CLDN10: variants seen among roughly 807,000 people sequenced by gnomAD.
The protein encoded by CLDN10 is claudin 10, also known as claudin-10.
Under a neutral mutation model 22.9 loss-of-function variants are expected in CLDN10, and 15 were observed. The ratio of observed to expected loss-of-function variants is 0.65; its 90% CI spans 0.44 to 1.01. The LOEUF (loss-of-function observed/expected upper bound fraction) is 1.01, where lower values mean the gene tolerates loss of function less well. Ranked by LOEUF, CLDN10 falls within the 50% of genes least tolerant of loss-of-function variation. CLDN10 has a pLI of 0.00. For synonymous variants in CLDN10, 114 were observed against 111.4 expected (o/e 1.02, Z -0.15); for missense variants, 247 against 287.8 (o/e 0.86, Z 1.03).
intron 1 of CLDN10, among the ~76,000 whole-genome samples, chr13:95,547,510 T>G (rs779371283): frequency 2.7e-4 from 41 of 152,180 alleles, no homozygotes; most frequent in African/African-American, 8.9e-4. Flanking sequence ...CTGAATAATA[T>G]TCATTATTTA....
rs9561881 is a variant in CLDN10, at chr13:95,499,194, G to A, written c.215-60938G>A. On this transcript the variant is annotated intron_variant, in intron 1 of 4. Transcript: ENST00000376873. ...AGTTGTGTTTAAAAGAGTTTTATAA[G>A]TCATGATTGGCAGCAATTATTAAGC... Among the ~76,000 whole-genome samples the A allele has an allele frequency of 2.5e-4, 38 of 152,276 alleles. 1 individual carries two copies. In the East Asian group the frequency reaches 7.1e-3, roughly 29 times the overall value.
chr13:95,528,466 C>T (rs9590296), intron 1 of CLDN10: 59,464 of 152,226 alleles, frequency 0.39, 11,849 homozygotes, highest in African/African-American at 0.45. Flanking sequence ...AGTGTGAAAA[C>T]GGACTAATGC....
At chr13:95,459,496 C>T (rs998075895) in intron 1 of CLDN10, among the ~76,000 whole-genome samples, 1 of 152,266 alleles carries the variant, frequency 6.6e-6, no homozygotes, top group Non-Finnish European at 1.5e-5. Context: ...GAAGGCCCAA[C>T]ACAATGTGTA....
intron 1 of CLDN10, among the ~76,000 whole-genome samples, chr13:95,546,562 T>C (rs992639684): frequency 6.6e-6 from 1 of 152,252 alleles, no homozygotes; most frequent in Non-Finnish European, 1.5e-5. Context: ...TGTAAGAACA[T>C]GCATTTTTAA....
intron 1 of CLDN10, among the ~76,000 whole-genome samples, chr13:95,522,008 C>T (rs2043228778): frequency 6.6e-6 from 1 of 151,766 alleles, no homozygotes; most frequent in Admixed American, 6.6e-5. Flanking sequence ...TACACTGATG[C>T]CTCCTTTTTC....
intron 1 of CLDN10, among the ~76,000 whole-genome samples, chr13:95,471,071 A>T (rs1316230484): frequency 1.3e-5 from 2 of 152,134 alleles, no homozygotes; most frequent in African/African-American, 4.8e-5. Flanking sequence ...GGAAAAGGGT[A>T]AAGTCCTAGC....
chr13:95,538,145 GTTTA>G (rs1259649737), intron 1 of CLDN10, among the ~76,000 whole-genome samples: 1,426 of 109,666 alleles, frequency 0.013, 29 homozygotes, highest in African/African-American at 0.046. Flanking sequence ...TTGACAAACT[GTTTA>G]TTTCTTTTTT....
chr13:95,569,423 A>C (rs983113622), intron 3 of CLDN10, among the ~76,000 whole-genome samples: 1 of 152,050 alleles, frequency 6.6e-6, no homozygotes, highest in African/African-American at 2.4e-5. Context: ...GACTCTATGA[A>C]AAATACAAAA....
At chr13:95,508,675 G>A (rs2043064320) in intron 1 of CLDN10, among the ~76,000 whole-genome samples, 1 of 152,224 alleles carries the variant, frequency 6.6e-6, no homozygotes, top group African/African-American at 2.4e-5. Context: ...AGGGGAAGAG[G>A]GAGCGATATC....
rs2043978147 is a variant in CLDN10 at position 95,579,059 on chromosome 13, A to T, written c.*1045A>T. On this transcript the variant is annotated 3_prime_UTR_variant, in exon 5 of 5. Transcript: ENST00000299339. ...GTGTTCCATTATTGGAACACTAAGC[A>T]TGTGGGAGTTATTTATATCCTACTG... 1 of 152,216 alleles carries T rather than the reference A, an allele frequency of 6.6e-6. No individual in the cohort carries two copies. Among genetic ancestry groups the T allele is most frequent in the Non-Finnish European group, 1.5e-5 (1 of 68,038 alleles). The allele number at this position is 152,216 out of a possible 1,614,324, so 9.4% of individuals were successfully genotyped here. A position where few individuals can be genotyped will look rare whatever the true frequency, so the allele number is the denominator to read the frequency against.
chr13:95,438,999 G>C (rs1388004495), intron 1 of CLDN10, among the ~76,000 whole-genome samples: 11 of 129,618 alleles, frequency 8.5e-5, no homozygotes, highest in Non-Finnish European at 1.3e-4. Flanking sequence ...AAAAAAAAAA[G>C]CGGAGGGTAA....
intron 1 of CLDN10, among the ~76,000 whole-genome samples, chr13:95,508,708 G>A (rs2043065001): frequency 1.3e-5 from 2 of 152,236 alleles, no homozygotes; most frequent in Admixed American, 1.3e-4. Flanking sequence ...GACATCATGG[G>A]AGACTTCCTT....
At chr13:95,480,780 T>C (rs567305712) in intron 1 of CLDN10, among the ~76,000 whole-genome samples, 1 of 152,230 alleles carries the variant, frequency 6.6e-6, no homozygotes, top group African/African-American at 2.4e-5. Flanking sequence ...AAATATTCAA[T>C]AGACACGCTA....
chr13:95,446,492 A>G (rs986074603), intron 1 of CLDN10, among the ~76,000 whole-genome samples: 1 of 152,236 alleles, frequency 6.6e-6, no homozygotes, highest in African/African-American at 2.4e-5. Context: ...AGTAAATGTT[A>G]TATATGTTAT....
chr13:95,479,413 A>G (rs1357659344), intron 1 of CLDN10: 1 of 152,178 alleles, frequency 6.6e-6, no homozygotes, highest in Non-Finnish European at 1.5e-5. Flanking sequence ...CTTAATTATC[A>G]CATTTCATTC....
chr13:95,463,284 TAATATATATATATA>T (rs1334194399), intron 1 of CLDN10, among the ~76,000 whole-genome samples: 1 of 32,586 alleles, frequency 3.1e-5, no homozygotes, highest in East Asian at 6.7e-4. Flanking sequence ...TGCAAATGCT[TAATATATATATATA>T]TATATATATA....
intron 3 of CLDN10, among the ~76,000 whole-genome samples, chr13:95,572,453 T>G (rs1463247017): frequency 6.6e-6 from 1 of 152,138 alleles, no homozygotes; most frequent in African/African-American, 2.4e-5. Context: ...AGCCTTAGTT[T>G]CCTCATTTGT....
At chr13:95,485,941 C>A (rs538596774) in intron 1 of CLDN10, among the ~76,000 whole-genome samples, 1 of 152,174 alleles carries the variant, frequency 6.6e-6, no homozygotes, top group South Asian at 2.1e-4. Flanking sequence ...CCAGAATATG[C>A]CAGATTCTGT....
chr13:95,532,720 A>G (rs1422699950), intron 1 of CLDN10, among the ~76,000 whole-genome samples: 1 of 149,668 alleles, frequency 6.7e-6, no homozygotes, highest in East Asian at 2.0e-4. Context: ...AACTGGGAAT[A>G]GCTCACATGT....
Sources: gnomAD v4.1 joint callset for allele counts (sites outside exome capture counted in the v4.1 genomes callset) on GRCh38, gnomAD v4.1.1 for gene constraint, MANE v1.5 for transcripts, NCBI Gene and HGNC (gene_info 2026-07-23, HGNC 2026-07-21) for gene names.